UBOX5: variants seen among roughly 807,000 people sequenced by gnomAD.
The protein encoded by UBOX5 is U-box domain containing 5.
A neutral mutation model predicts 39.0 loss-of-function variants in UBOX5; 28 were observed. The ratio of observed to expected loss-of-function variants is 0.72; its 90% CI spans 0.53 to 0.98. The LOEUF is 0.98. UBOX5 is among the 50% of genes least tolerant of loss of function. The pLI, the probability that UBOX5 is intolerant of heterozygous loss-of-function variation, is 0.00. For missense variants in UBOX5, 585 were observed against 674.4 expected, an observed-to-expected ratio of 0.87 and a Z score of 1.47; for synonymous variants, 283 against 275.5, an observed-to-expected ratio of 1.03 and a Z score of -0.27.
rs188121914 is a variant in UBOX5, at chr20:3,145,870, A to T, written c.-42+13896T>A. On this transcript the variant is annotated intron_variant, in intron 1 of 4. Transcript: ENST00000217173. Reference sequence around the variant, plus strand: ...AGACCAGCCTGAACAACATGGTGAAACCCCATCTCAAATAAAAATGCAAAA... The same window carrying T: ...AGACCAGCCTGAACAACATGGTGAATCCCCATCTCAAATAAAAATGCAAAA... Among the ~76,000 whole-genome samples, 247 of 152,104 alleles carry T rather than the reference A, an allele frequency of 1.6e-3. 1 individual carries two copies. The highest frequency in any genetic ancestry group is 4.2e-3 in the African/African-American group (173 of 41,502).
In UBOX5 at chr20:3,147,713, C is replaced by A. The variant is rs115386226; in HGVS notation, c.-42+12053G>T. On this transcript the variant is annotated intron_variant, in intron 1 of 4. Transcript: ENST00000217173. ...CTTTCTGTGAATCTCACTTATCAGG[C>A]TGGAGTAAAATTCTTCTGCATTGGG... is the stretch of plus-strand genomic sequence containing the variant. 77 of 1,614,216 alleles carry A rather than the reference C, an allele frequency of 4.8e-5. No homozygotes were observed. The African/African-American group carries it at 5.7e-4, about 12-fold the overall frequency.
In UBOX5 at chr20:3,121,874, G is replaced by C; in HGVS notation, c.765C>G (p.Ile255Met). ...GGAACTCCTCAGGCACATCCTGAAT[G>C]ATCTCGGCCAGCTTCTGCAGGCTGG... ...APSSLQKLAE[I>M]IQDVPEEFLD... The change falls in exon 3 of 5, where the codon ATC becomes ATG. Residue 255 changes from isoleucine to methionine, a missense_variant. Physicochemically the swap from Ile to Met is conservative, Grantham distance 10. Coordinates refer to ENST00000217173, the MANE Select transcript of UBOX5 (RefSeq NM_014948.4). 6.2e-7 allele frequency: 1 copy of C among 1,614,020 alleles called. No homozygotes were observed. The highest frequency in any genetic ancestry group is 8.5e-7 in the Non-Finnish European group (1 of 1,180,034).
intron 4 of UBOX5, among the ~76,000 whole-genome samples, chr20:3,112,342 A>C (rs2148585592): frequency 6.6e-6 from 1 of 152,096 alleles, no homozygotes; most frequent in Non-Finnish European, 1.5e-5. Flanking sequence ...AGAAGCATGC[A>C]AGGGCCCCAA....
At position 3,148,679 on chromosome 20, in the gene UBOX5, T is replaced by C. The variant is rs528088858; in HGVS notation, c.-42+11087A>G. ...CAGGAGCTGAGAAGTCTCAGATGCA[T>C]TATAGCTGTGAACACGGTATTCTGG... On this transcript the variant is annotated intron_variant, in intron 1 of 4. Transcript: ENST00000217173. The C allele has an allele frequency of 1.4e-5, 22 of 1,614,238 alleles. No homozygotes were observed. The South Asian group carries it at 2.4e-4, about 18-fold the overall frequency.
rs549321669 is a variant in UBOX5 at position 3,118,046 on chromosome 20, A to G, written c.1256-2580T>C. On this transcript the variant is annotated intron_variant, in intron 3 of 4. Transcript: ENST00000217173. Reference sequence around the variant, plus strand: ...AGCCAGTATGGTGCTGTGCGCCTGTAGTCTTGGCTACCGAGGCAGGAGAAT... The same window carrying G: ...AGCCAGTATGGTGCTGTGCGCCTGTGGTCTTGGCTACCGAGGCAGGAGAAT... Among the ~76,000 whole-genome samples, 7 of 152,194 alleles carry G rather than the reference A, an allele frequency of 4.6e-5. No individual in the cohort carries two copies. The East Asian group carries it at 1.4e-3, about 29-fold the overall frequency.
At chr20:3,117,835 T>C in intron 3 of UBOX5, among the ~76,000 whole-genome samples, 1 of 150,930 alleles carries the variant, frequency 6.6e-6, no homozygotes, top group East Asian at 2.0e-4. Context: ...CTACTACAAA[T>C]ACAAAAATTA....
At chr20:3,120,255 G>A (rs918049223) in intron 3 of UBOX5, among the ~76,000 whole-genome samples, 3 of 151,102 alleles carry the variant, frequency 2.0e-5, no homozygotes, top group Admixed American at 6.6e-5. Context: ...GCTGAGGCAG[G>A]AGAATCACTT....
chr20:3,154,747 T>C (rs141914501), intron 1 of UBOX5, among the ~76,000 whole-genome samples: 60 of 152,254 alleles, frequency 3.9e-4, no homozygotes, highest in Middle Eastern at 3.4e-3. Context: ...TTGAGAATAA[T>C]ACTAACATAA....
At position 3,158,306 on chromosome 20, in the gene UBOX5, A is replaced by G. The variant is rs564409391; in HGVS notation, c.-42+1460T>C. Among the ~76,000 whole-genome samples the G allele has an allele frequency of 1.4e-4, 22 of 152,018 alleles. No individual in the cohort carries two copies. In the South Asian group the frequency reaches 4.6e-3, roughly 32 times the overall value. ...TTTATATCAAAGTTGACTTATTCAC[A>G]TGATGAATGGCAAGGCCTTATTAGG... On this transcript the variant is annotated intron_variant, in intron 1 of 4. Transcript: ENST00000217173.
chr20:3,159,060 G>A (rs570145487), intron 1 of UBOX5, among the ~76,000 whole-genome samples: 8 of 152,290 alleles, frequency 5.3e-5, no homozygotes, highest in South Asian at 2.1e-4. Context: ...CAGCTGATAT[G>A]AGGGGACCCA....
rs2066347113 is a variant in UBOX5, at chr20:3,122,541, T to A, written c.98A>T (p.Asp33Val). Reference protein sequence around the residue: ...GYEVENLISEDLTKRSHGFRT... With the variant: ...GYEVENLISEVLTKRSHGFRT... ...GAAACCATGACTTCTCTTTGTGAGA[T>A]CTTCAGAGATGAGATTTTCTACTTC... is the stretch of plus-strand genomic sequence containing the variant. Residue 33 changes from aspartate (D) to valine (V), a missense_variant, in exon 3 of 5, where the codon GAT becomes GTT. By Grantham distance (152) the Asp-to-Val change is radical. Transcript: ENST00000217173. 6.2e-7 allele frequency: 1 copy of A among 1,604,508 alleles called. No homozygotes were observed. The highest frequency in any genetic ancestry group is 1.1e-5 in the South Asian group (1 of 90,012).
intron 3 of UBOX5, among the ~76,000 whole-genome samples, chr20:3,119,386 C>T (rs1022825797): frequency 2.6e-5 from 4 of 152,192 alleles, no homozygotes; most frequent in Non-Finnish European, 5.9e-5. Flanking sequence ...CCTCAGCCAC[C>T]AGTTTGATGG....
chr20:3,148,944 G>A (rs2066597219), intron 1 of UBOX5: 3 of 1,614,018 alleles, frequency 1.9e-6, no homozygotes, highest in African/African-American at 1.3e-5. Flanking sequence ...TGTTCTGGAG[G>A]GTCCTGTCCC....
At chr20:3,111,662 C>A (rs1416935083) in intron 4 of UBOX5, 1 of 152,704 alleles carries the variant, frequency 6.5e-6, no homozygotes, top group Non-Finnish European at 1.5e-5. Flanking sequence ...TATCTGGAGA[C>A]CTGGCTTAGA....
rs1362304631 is a variant in UBOX5 at position 3,108,262 on chromosome 20, C to T, written c.*1844G>A. The T allele has an allele frequency of 2.6e-5, 4 of 152,360 alleles. No homozygotes were observed. The highest frequency in any genetic ancestry group is 2.6e-4 in the Admixed American group (4 of 15,290). 9.4% of individuals were successfully genotyped at this position (152,360 alleles called of 1,614,324 possible). ...AGCTGGCATTACAGGCACACACCAC[C>T]ATGCCCAGCTAATTTTTGTATTTTT... is the stretch of plus-strand genomic sequence containing the variant. On this transcript the variant is annotated 3_prime_UTR_variant, in exon 5 of 5. Coordinates refer to ENST00000217173, the MANE Select transcript of UBOX5 (RefSeq NM_014948.4).
In UBOX5 at chr20:3,121,489, A is replaced by G; in HGVS notation, c.1150T>C (p.Phe384Leu). 2 of 1,614,056 alleles carry G rather than the reference A, an allele frequency of 1.2e-6. No individual in the cohort carries two copies. The highest frequency in any genetic ancestry group is 1.7e-6 in the Non-Finnish European group (2 of 1,180,020). ...DSNFGVNASCFSATSPLVLPT... is the reference protein window; with the variant it reads ...DSNFGVNASCLSATSPLVLPT... ...AAGACCAAAGGGCTTGTGGCAGAAAAACAGGAAGCATTTACACCAAAGTTA... is the reference window on the plus strand; with the variant it reads ...AAGACCAAAGGGCTTGTGGCAGAAAGACAGGAAGCATTTACACCAAAGTTA... Residue 384 changes from phenylalanine (F) to leucine (L), a missense_variant, in exon 3 of 5, where the codon TTT becomes CTT. Physicochemically the swap from Phe to Leu is conservative, Grantham distance 22. Transcript: ENST00000217173.
intron 1 of UBOX5, among the ~76,000 whole-genome samples, chr20:3,139,104 G>A (rs904915829): frequency 4.6e-5 from 7 of 152,176 alleles, no homozygotes; most frequent in African/African-American, 1.7e-4. Flanking sequence ...TTTTAAAGAA[G>A]TGCACTACTT....
intron 1 of UBOX5, among the ~76,000 whole-genome samples, chr20:3,140,814 T>C (rs1315529018): frequency 6.6e-6 from 1 of 151,900 alleles, no homozygotes; most frequent in Non-Finnish European, 1.5e-5. Context: ...AATAATCATG[T>C]CACCCAGGTA....
intron 4 of UBOX5, chr20:3,110,629 T>C (rs886300706): frequency 7.7e-6 from 3 of 391,834 alleles, no homozygotes; most frequent in Non-Finnish European, 1.4e-5. Flanking sequence ...TCCCCTGCGA[T>C]AGGTGGCCAA....
Sources: allele counts gnomAD v4.1 joint callset (sites outside exome capture counted in the v4.1 genomes callset), GRCh38; gene constraint gnomAD v4.1.1; transcripts MANE v1.5; gene names NCBI Gene and HGNC (gene_info 2026-07-23, HGNC 2026-07-21).